Variants in FGFR1 observed in about 807,000 individuals in gnomAD.
FGFR1 encodes the protein FGFR1/PLAG1 fusion.
Under a neutral mutation model 93.7 loss-of-function variants are expected in FGFR1, and 18 were observed. The observed-to-expected ratio is 0.19, with a 90% CI of 0.13 to 0.28. The LOEUF is 0.28. Ranked by LOEUF, FGFR1 falls within the 10% of genes least tolerant of loss-of-function variation. The pLI, the probability that FGFR1 is intolerant of heterozygous loss-of-function variation, is 1.00. For missense variants in FGFR1, 731 were observed against 1,080.4 expected (o/e 0.68, Z 4.53); for synonymous variants, 448 against 429.3 (o/e 1.04, Z -0.54).
chr8:38,459,983 G>A (rs1360830288), intron 1 of FGFR1, among the ~76,000 whole-genome samples: 1 of 152,166 alleles, frequency 6.6e-6, no homozygotes, highest in Non-Finnish European at 1.5e-5. Flanking sequence ...GGGGAGTTGA[G>A]ACCAGACTGG....
At position 38,413,697 on chromosome 8, in the gene FGFR1, C is replaced by A; in HGVS notation, c.2400G>T (p.Pro800=). 6.2e-7 allele frequency: 1 copy of A among 1,613,602 alleles called. No individual in the cohort carries two copies. Among genetic ancestry groups the A allele is most frequent in the Non-Finnish European group, 8.5e-7 (1 of 1,179,838 alleles). Residue 800 remains proline, a synonymous_variant, in exon 18 of 18, where the codon CCG becomes CCT. Transcript: ENST00000447712. This position sits in a 1 kb window ranked among gnomAD's most constrained non-coding sequence, Gnocchi z 4.2. Reference sequence around the variant, plus strand: ...GGGGCAGGCAGGGCTCCTCGGGCAGCGGCTCATGAGAGAAGACGGAATCCT... The same window carrying A: ...GGGGCAGGCAGGGCTCCTCGGGCAGAGGCTCATGAGAGAAGACGGAATCCT... ...SGEDSVFSHE[P]LPEEPCLPRH... is the part of the protein sequence containing the mutation.
intron 2 of FGFR1, among the ~76,000 whole-genome samples, chr8:38,443,983 G>A (rs997353956): frequency 6.1e-5 from 9 of 148,520 alleles, no homozygotes; most frequent in Non-Finnish European, 1.2e-4. Context: ...AACTCAGGAG[G>A]TGGAGGTTGC....
At chr8:38,452,238 C>T (rs1169382616) in intron 2 of FGFR1, among the ~76,000 whole-genome samples, 1 of 131,448 alleles carries the variant, frequency 7.6e-6, no homozygotes, top group Non-Finnish European at 1.8e-5. Context: ...CACACACACA[C>T]ACACACACTT....
chr8:38,425,897 A>G lies in FGFR1; in HGVS notation c.745+225T>C, dbSNP rs1230505729. ...CTCTGAACAGCACCTTCAATTTCACAGTGACAACCAGCTTTGACCGTGTTA... is the reference window on the plus strand; with the variant it reads ...CTCTGAACAGCACCTTCAATTTCACGGTGACAACCAGCTTTGACCGTGTTA... On this transcript the variant is annotated intron_variant, in intron 6 of 17. Coordinates refer to ENST00000447712, the MANE Select transcript of FGFR1 (RefSeq NM_023110.3). The G allele has an allele frequency of 1.8e-5, 11 of 603,064 alleles. No individual in the cohort carries two copies. The Admixed American group carries it at 2.7e-4, about 15-fold the overall frequency. The allele number at this position is 603,064 out of a possible 1,614,324, so 37.4% of individuals were successfully genotyped here.
chr8:38,418,504 G>A, intron 9 of FGFR1, 131 bp from the exon 10 acceptor site: 1 of 1,173,454 alleles, frequency 8.5e-7, no homozygotes, highest in Non-Finnish European at 1.2e-6. Context: ...CCTCAACACA[G>A]AGTGGTCCAA....
At chr8:38,430,979 A>G (rs1368239089) in intron 2 of FGFR1, among the ~76,000 whole-genome samples, 1 of 152,088 alleles carries the variant, frequency 6.6e-6, no homozygotes, top group Non-Finnish European at 1.5e-5. Flanking sequence ...TCACGAGGGG[A>G]AATGAACTTT....
chr8:38,447,772 C>T (rs973675283), intron 2 of FGFR1, among the ~76,000 whole-genome samples: 4 of 152,278 alleles, frequency 2.6e-5, no homozygotes, highest in Admixed American at 2.6e-4. Flanking sequence ...TGAGCAACTG[C>T]ACCCGGCTGG....
intron 1 of FGFR1, chr8:38,465,700 C>G: frequency 4.5e-6 from 1 of 222,898 alleles, no homozygotes; most frequent in East Asian, 6.5e-5. Context: ...GGGTGATTAC[C>G]CAGACCAAGG....
At position 38,426,333 on chromosome 8, in the gene FGFR1, T is replaced by A. The variant is rs2150871273; in HGVS notation, c.622-88A>T. 1 of 1,579,606 alleles carries A rather than the reference T, an allele frequency of 6.3e-7. No individual in the cohort carries two copies. On this transcript the variant is annotated intron_variant, in intron 5 of 17. Transcript: ENST00000447712. This position sits in a 1 kb window ranked among gnomAD's most constrained non-coding sequence, Gnocchi z 4.1. ...TGTCGGCACCCCGTGGCACCTGCCC[T>A]CCATATCAGAGCCTGGTGGCACAGG...
At chr8:38,454,847 C>G (rs538236876) in intron 2 of FGFR1, among the ~76,000 whole-genome samples, 2 of 152,272 alleles carry the variant, frequency 1.3e-5, no homozygotes, top group South Asian at 4.1e-4. Flanking sequence ...GCACCTCACT[C>G]TTTCCTCCCA....
intron 2 of FGFR1, among the ~76,000 whole-genome samples, chr8:38,442,533 G>C (rs753071612): frequency 6.6e-6 from 1 of 152,100 alleles, no homozygotes; most frequent in Non-Finnish European, 1.5e-5. Flanking sequence ...ATCATTAAGA[G>C]TGGGGGAGGG....
chr8:38,421,228 G>T (rs1160173357), intron 8 of FGFR1, among the ~76,000 whole-genome samples: 1 of 152,170 alleles, frequency 6.6e-6, no homozygotes, highest in Non-Finnish European at 1.5e-5. Flanking sequence ...AGGCAAACAG[G>T]ATACATGGAC....
chr8:38,428,197 C>T, intron 4 of FGFR1, 104 bp from the exon 5 acceptor site: 1 of 1,538,108 alleles, frequency 6.5e-7, no homozygotes, highest in South Asian at 1.1e-5. Flanking sequence ...TGCCCATCTG[C>T]CCAACACCTG....
At chr8:38,444,332 A>G (rs1454065074) in intron 2 of FGFR1, among the ~76,000 whole-genome samples, 1 of 151,732 alleles carries the variant, frequency 6.6e-6, no homozygotes, top group East Asian at 1.9e-4. Flanking sequence ...TGCACACAAC[A>G]TGAACGTTGA....
chr8:38,417,765 T>C lies in FGFR1; in HGVS notation c.1552+105A>G, dbSNP rs181179553. 2.2e-3 allele frequency: 3,413 copies of C among 1,525,634 alleles called. 9 individuals are homozygous for C. The highest frequency in any genetic ancestry group is 2.5e-3 in the Non-Finnish European group (2,721 of 1,101,380). 94.5% of individuals were successfully genotyped at this position (1,525,634 alleles called of 1,614,324 possible). On this transcript the variant is annotated intron_variant, in intron 11 of 17. Coordinates refer to ENST00000447712, the MANE Select transcript of FGFR1 (RefSeq NM_023110.3). ...AACCCCAAGCAGGCAGCGGAGCAGG[T>C]GTGGGCAGCAAAGGCACCAGAGAAG... is the stretch of plus-strand genomic sequence containing the variant.
At chr8:38,451,802 C>G (rs1204962760) in intron 2 of FGFR1, among the ~76,000 whole-genome samples, 2 of 152,308 alleles carry the variant, frequency 1.3e-5, no homozygotes, top group East Asian at 3.9e-4. Flanking sequence ...CCCACCCCAA[C>G]TACCAGCAGT....
chr8:38,431,883 A>C (rs1053836642), intron 2 of FGFR1, among the ~76,000 whole-genome samples: 1 of 152,210 alleles, frequency 6.6e-6, no homozygotes, highest in Non-Finnish European at 1.5e-5. Context: ...TTCCATTTTT[A>C]ATGGTCTGTG....
At chr8:38,462,537 T>C (rs1834636858) in intron 1 of FGFR1, among the ~76,000 whole-genome samples, 1 of 152,174 alleles carries the variant, frequency 6.6e-6, no homozygotes, top group Non-Finnish European at 1.5e-5. Flanking sequence ...TTTCTTTCTT[T>C]TAACTTAATT....
chr8:38,421,653 G>A, intron 8 of FGFR1, 144 bp downstream of exon 8: 1 of 881,770 alleles, frequency 1.1e-6, no homozygotes, highest in Non-Finnish European at 1.9e-6. Flanking sequence ...AGCCCTCAAA[G>A]CTGGGGCAGG....
Sources: allele counts gnomAD v4.1 joint callset (sites outside exome capture counted in the v4.1 genomes callset), GRCh38; gene constraint gnomAD v4.1.1; non-coding constraint Gnocchi (gnomAD v3.1); transcripts MANE v1.5; gene names NCBI Gene and HGNC (gene_info 2026-07-23, HGNC 2026-07-21).